The following CEP85L variants were observed in gnomAD, a reference collection of about 807,000 sequenced individuals.
CEP85L encodes the protein centrosomal protein 85L, also known as centrosomal protein of 85 kDa-like.
A neutral mutation model predicts 100.3 loss-of-function variants in CEP85L; 60 were observed. The ratio of observed to expected loss-of-function variants is 0.60; its 90% CI spans 0.49 to 0.74. CEP85L has a LOEUF of 0.74. Ranked by LOEUF, CEP85L falls within the 30% of genes least tolerant of loss-of-function variation. The pLI is 0.00. For synonymous variants in CEP85L, 319 were observed against 322.7 expected, an observed-to-expected ratio of 0.99 and a Z score of 0.12; for missense variants, 973 against 936.2, an observed-to-expected ratio of 1.04 and a Z score of -0.51.
intron 6 of CEP85L, among the ~76,000 whole-genome samples, chr6:118,491,228 CACACACACACATAT>C (rs750683915): frequency 2.0e-5 from 3 of 149,134 alleles, no homozygotes; most frequent in Non-Finnish European, 4.4e-5. Context: ...CACACACACA[CACACACACACATAT>C]GCATGCATAT....
At chr6:118,479,035 A>C (rs1773589507) in intron 10 of CEP85L, among the ~76,000 whole-genome samples, 1 of 152,166 alleles carries the variant, frequency 6.6e-6, no homozygotes, top group African/African-American at 2.4e-5. Flanking sequence ...AATTCCTTGA[A>C]TTATGGTCCA....
chr6:118,597,166 A>C lies in CEP85L; in HGVS notation c.233-30850T>G, dbSNP rs754390463. 2.0e-5 allele frequency among the ~76,000 whole-genome samples: 3 copies of C among 152,254 alleles called. No individual in the cohort carries two copies. The East Asian group carries it at 5.8e-4, about 29-fold the overall frequency. On this transcript the variant is annotated intron_variant, in intron 2 of 12. Transcript: ENST00000368491. Reference sequence around the variant, plus strand: ...CCCAGCCATGTGGAACTCTGAGTCCATTTAACCTCTTTTCTTTATAAATTA... The same window carrying C: ...CCCAGCCATGTGGAACTCTGAGTCCCTTTAACCTCTTTTCTTTATAAATTA...
intron 12 of CEP85L, 21 bp from the exon 13 acceptor site, chr6:118,465,589 G>A (rs745471809): frequency 1.3e-6 from 2 of 1,597,194 alleles, no homozygotes; most frequent in East Asian, 4.5e-5. Context: ...AAAACATAGA[G>A]AGAATATCTC....
At chr6:118,561,765 C>T (rs1230424405) in intron 3 of CEP85L, among the ~76,000 whole-genome samples, 1 of 152,080 alleles carries the variant, frequency 6.6e-6, no homozygotes, top group Non-Finnish European at 1.5e-5. Context: ...CGATAAAACG[C>T]TCTAATTATA....
chr6:118,676,601 A>G (rs1384892283), intron 1 of CEP85L, among the ~76,000 whole-genome samples: 1 of 152,214 alleles, frequency 6.6e-6, no homozygotes, highest in Admixed American at 6.5e-5. Context: ...CTGACACTTC[A>G]GTTACTTCCG....
rs762638463 is a variant in CEP85L, at chr6:118,565,523, C to G, written c.1020+6G>C. The stretch of plus-strand genomic sequence containing the variant: ...AGGGAAGCAAACACTAGATTTTGCA[C>G]CTTACCTGCATTGGTGTTTCACTTC... On this transcript the variant is annotated splice_donor_region_variant and intron_variant, in intron 3 of 12. Transcript: ENST00000368491. The G allele has an allele frequency of 3.1e-6, 5 of 1,613,802 alleles. No homozygotes were observed. The South Asian group carries it at 5.5e-5, about 18-fold the overall frequency.
At chr6:118,707,560 C>A (rs1777635397) in intron 1 of CEP85L, among the ~76,000 whole-genome samples, 2 of 152,186 alleles carry the variant, frequency 1.3e-5, no homozygotes, top group Admixed American at 1.3e-4. Context: ...TACTAAACTA[C>A]TTCCTTTTTA....
intron 5 of CEP85L, chr6:118,502,134 G>C: frequency 8.6e-7 from 1 of 1,156,130 alleles, no homozygotes; most frequent in East Asian, 2.4e-5. Context: ...GAAGACTTCA[G>C]TCTGGAGTGA....
chr6:118,475,459 T>C (rs1773295538), intron 10 of CEP85L, among the ~76,000 whole-genome samples: 1 of 150,884 alleles, frequency 6.6e-6, no homozygotes, highest in Non-Finnish European at 1.5e-5. Context: ...GTTCATGCCA[T>C]TCTCCTGCCT....
chr6:118,640,490 G>C (rs558488554), intron 1 of CEP85L, among the ~76,000 whole-genome samples: 6 of 152,148 alleles, frequency 3.9e-5, no homozygotes, highest in African/African-American at 1.4e-4. Flanking sequence ...CTATATTATA[G>C]GGTTGTTGTG....
chr6:118,707,833 A>C (rs74455018), intron 1 of CEP85L, among the ~76,000 whole-genome samples: 9 of 152,250 alleles, frequency 5.9e-5, no homozygotes, highest in African/African-American at 1.9e-4. Context: ...ATATATAAAG[A>C]TACTCAAGCT....
intron 2 of CEP85L, among the ~76,000 whole-genome samples, chr6:118,616,805 C>A (rs1364215162): frequency 6.6e-6 from 1 of 151,512 alleles, no homozygotes; most frequent in Non-Finnish European, 1.5e-5. Flanking sequence ...ATTAGCCAGG[C>A]GTGGTGGCGT....
At chr6:118,561,822 C>T (rs1340949580) in intron 3 of CEP85L, among the ~76,000 whole-genome samples, 3 of 151,916 alleles carry the variant, frequency 2.0e-5, no homozygotes, top group Non-Finnish European at 4.4e-5. Context: ...CCAAATAAAA[C>T]AAAATCAAGA....
chr6:118,567,789 A>G (rs57234414), intron 2 of CEP85L, among the ~76,000 whole-genome samples: 255 of 152,348 alleles, frequency 1.7e-3, no homozygotes, highest in Non-Finnish European at 2.6e-3. Flanking sequence ...TAGACTATTC[A>G]AAAAATAAAA....
At chr6:118,538,727 G>A (rs1777741921) in intron 3 of CEP85L, among the ~76,000 whole-genome samples, 1 of 151,946 alleles carries the variant, frequency 6.6e-6, no homozygotes, top group Non-Finnish European at 1.5e-5. Flanking sequence ...AGAAGATTAG[G>A]TAAAACAAAT....
At chr6:118,465,796 C>T (rs552949940) in intron 12 of CEP85L, among the ~76,000 whole-genome samples, 11 of 152,194 alleles carry the variant, frequency 7.2e-5, no homozygotes, top group Middle Eastern at 3.4e-3. Context: ...CACAGTGATA[C>T]ACACAAATTC....
intron 4 of CEP85L, among the ~76,000 whole-genome samples, chr6:118,520,315 C>CA (rs906767529): frequency 6.6e-6 from 1 of 152,022 alleles, no homozygotes; most frequent in Non-Finnish European, 1.5e-5. Context: ...ATTGAATCTA[C>CA]AAAAAAATAC....
chr6:118,565,446 A>G (rs1035164004), intron 3 of CEP85L, 83 bp downstream of exon 3: 2 of 1,282,426 alleles, frequency 1.6e-6, no homozygotes, highest in African/African-American at 3.0e-5. Flanking sequence ...ATCTGTGAAC[A>G]CTTGTTATAT....
chr6:118,658,804 A>T (rs7749356), intron 1 of CEP85L, among the ~76,000 whole-genome samples: 103,047 of 152,034 alleles, frequency 0.68, 35,627 homozygotes, highest in Middle Eastern at 0.74. Context: ...AGTTTAACAC[A>T]TCAGGTTGTC....
Sources: allele counts gnomAD v4.1 joint callset (sites outside exome capture counted in the v4.1 genomes callset), GRCh38; gene constraint gnomAD v4.1.1; transcripts MANE v1.5; gene names NCBI Gene and HGNC (gene_info 2026-07-23, HGNC 2026-07-21).